The following PCDH15 variants were observed in gnomAD, a reference collection of about 807,000 sequenced individuals.
PCDH15 encodes protocadherin-15.
A neutral mutation model predicts 178.5 loss-of-function variants in PCDH15; 129 were observed. The ratio of observed to expected loss-of-function variants is 0.72; its 90% CI spans 0.63 to 0.84. PCDH15 has a LOEUF of 0.84. Among genes scored for constraint, PCDH15 ranks in the 40% least tolerant of loss-of-function variants. The probability of loss-of-function intolerance (pLI) is 0.00; values close to 1 mark genes in which losing one functional copy is unlikely to be tolerated. For missense variants in PCDH15, 2,230 were observed against 2,099.9 expected, an observed-to-expected ratio of 1.06 and a Z score of -1.21; for synonymous variants, 800 against 732.0, an observed-to-expected ratio of 1.09 and a Z score of -1.50.
At chr10:54,177,970 G>A (rs1049514634) in intron 13 of PCDH15, among the ~76,000 whole-genome samples, 1 of 152,050 alleles carries the variant, frequency 6.6e-6, no homozygotes, top group African/African-American at 2.4e-5. Flanking sequence ...ATTTAACTTT[G>A]GGAGACAAGT....
intron 25 of PCDH15, among the ~76,000 whole-genome samples, chr10:53,933,754 C>A (rs1272921497): frequency 6.6e-6 from 1 of 152,152 alleles, no homozygotes; most frequent in African/African-American, 2.4e-5. Context: ...GCCACACTGA[C>A]TTCCACAGTG....
chr10:55,083,766 T>C (rs2132028457), intron 2 of PCDH15, among the ~76,000 whole-genome samples: 1 of 151,970 alleles, frequency 6.6e-6, no homozygotes, highest in Non-Finnish European at 1.5e-5. Context: ...CATTTCTACA[T>C]GAAAACAGCA....
At chr10:54,812,278 T>C (rs1339275124) in intron 3 of PCDH15, among the ~76,000 whole-genome samples, 2 of 150,338 alleles carry the variant, frequency 1.3e-5, no homozygotes, top group Non-Finnish European at 3.0e-5. Context: ...TCTTCCTTTT[T>C]TTTTTTTTTT....
At chr10:53,955,401 A>ACT (rs1207137758) in intron 23 of PCDH15, among the ~76,000 whole-genome samples, 2 of 152,234 alleles carry the variant, frequency 1.3e-5, no homozygotes, top group African/African-American at 4.8e-5. Context: ...AATAGAAATA[A>ACT]GTCAACGGAG....
At chr10:55,241,806 C>G (rs1166341982) in intron 1 of PCDH15, among the ~76,000 whole-genome samples, 1 of 152,176 alleles carries the variant, frequency 6.6e-6, no homozygotes, top group Non-Finnish European at 1.5e-5. Flanking sequence ...ATCAAAAGCA[C>G]AATTTCATTC....
Position 54,286,073 on chromosome 10 carries a change from C to A in PCDH15, c.876+31198G>T, listed in dbSNP as rs184387054. The stretch of plus-strand genomic sequence containing the variant: ...AGTGAGAAGGAAAGATGGAGAGAGA[C>A]TGGTCAAAAAATTCAAAGTTACATT... On this transcript the variant is annotated intron_variant, in intron 8 of 37. Transcript: ENST00000644397. Among the ~76,000 whole-genome samples the A allele has an allele frequency of 3.3e-5, 5 of 152,226 alleles. No homozygotes were observed. The East Asian group carries it at 9.7e-4, about 29-fold the overall frequency.
At chr10:55,026,314 G>T (rs1162959530) in intron 2 of PCDH15, among the ~76,000 whole-genome samples, 1 of 151,894 alleles carries the variant, frequency 6.6e-6, no homozygotes, top group African/African-American at 2.4e-5. Context: ...TATAGTCTAT[G>T]CAGTGTGCCA....
At chr10:55,207,790 A>G (rs1840443827) in intron 1 of PCDH15, among the ~76,000 whole-genome samples, 1 of 152,090 alleles carries the variant, frequency 6.6e-6, no homozygotes, top group African/African-American at 2.4e-5. Flanking sequence ...CAACATGGTG[A>G]AACCCGTCTT....
At chr10:54,113,030 T>A (rs1305374751) in intron 15 of PCDH15, among the ~76,000 whole-genome samples, 2 of 152,178 alleles carry the variant, frequency 1.3e-5, no homozygotes, top group African/African-American at 4.8e-5. Context: ...TAAATCCTGA[T>A]ATCACAGAGA....
intron 25 of PCDH15, among the ~76,000 whole-genome samples, chr10:53,925,319 C>T (rs867667321): frequency 4.9e-4 from 74 of 152,232 alleles, no homozygotes; most frequent in South Asian, 2.1e-3. Context: ...AGACATGCCA[C>T]CTTAAGAGCT....
intron 13 of PCDH15, 57 bp downstream of exon 13, chr10:54,183,387 A>G: frequency 6.8e-7 from 1 of 1,461,044 alleles, no homozygotes; most frequent in South Asian, 1.1e-5. Flanking sequence ...AGCATATCGT[A>G]TAATGCACAT....
chr10:53,952,976 C>A (rs12264793), intron 23 of PCDH15, among the ~76,000 whole-genome samples: 1,597 of 152,334 alleles, frequency 0.01, 26 homozygotes, highest in African/African-American at 0.033. Context: ...GAGCATGCAG[C>A]AGGAGGGGGG....
chr10:55,307,654 A>G (rs1298340835), intron 1 of PCDH15, among the ~76,000 whole-genome samples: 1 of 147,794 alleles, frequency 6.8e-6, no homozygotes, highest in Admixed American at 6.7e-5. Flanking sequence ...CTTTTTCCTT[A>G]TTGTTATATC....
chr10:54,519,750 A>G (rs6481101), intron 3 of PCDH15, among the ~76,000 whole-genome samples: 137,883 of 152,092 alleles, frequency 0.91, 62,527 homozygotes, highest in East Asian at 1. Context: ...AGCCCGCATC[A>G]CCAAGTCAAT....
chr10:54,284,886 G>A (rs965467260), intron 8 of PCDH15, among the ~76,000 whole-genome samples: 1 of 152,132 alleles, frequency 6.6e-6, no homozygotes, highest in African/African-American at 2.4e-5. Flanking sequence ...AGTCATACAA[G>A]CTTCTTTATC....
intron 2 of PCDH15, among the ~76,000 whole-genome samples, chr10:55,069,003 T>A (rs1188302001): frequency 6.6e-6 from 1 of 151,916 alleles, no homozygotes; most frequent in South Asian, 2.1e-4. Context: ...GTTCAAGCGA[T>A]TCTTGTGCCT....
intron 2 of PCDH15, among the ~76,000 whole-genome samples, chr10:55,615,314 T>G (rs147665506): frequency 1.6e-4 from 24 of 152,250 alleles, no homozygotes; most frequent in African/African-American, 4.8e-4. Context: ...TGAAAAACAG[T>G]AGTAAACAAT....
intron 20 of PCDH15, among the ~76,000 whole-genome samples, chr10:54,003,511 G>A (rs996863301): frequency 1.3e-5 from 2 of 151,718 alleles, no homozygotes; most frequent in Non-Finnish European, 2.9e-5. Flanking sequence ...AAATCAAGAA[G>A]AAACAAATAA....
intron 1 of PCDH15, among the ~76,000 whole-genome samples, chr10:55,172,507 G>A (rs1839363858): frequency 6.6e-6 from 1 of 151,790 alleles, no homozygotes; most frequent in African/African-American, 2.4e-5. Context: ...AACAAGATGT[G>A]CAATGAATGG....
Sources: gnomAD v4.1 joint callset for allele counts (sites outside exome capture counted in the v4.1 genomes callset) on GRCh38, gnomAD v4.1.1 for gene constraint, MANE v1.5 for transcripts, NCBI Gene and HGNC (gene_info 2026-07-23, HGNC 2026-07-21) for gene names.